The following FYCO1 variants were observed in gnomAD, a reference collection of about 807,000 sequenced individuals.
FYCO1 encodes FYVE and coiled-coil domain-containing protein 1.
Under a neutral mutation model 165.1 loss-of-function variants are expected in FYCO1, and 122 were observed. The ratio of observed to expected loss-of-function variants is 0.74; its 90% CI spans 0.64 to 0.86. The LOEUF is 0.86. Among genes scored for constraint, FYCO1 ranks in the 40% least tolerant of loss-of-function variants. The pLI, the probability that FYCO1 is intolerant of heterozygous loss-of-function variation, is 0.00. For synonymous variants in FYCO1, 648 were observed against 742.5 expected, an observed-to-expected ratio of 0.87 and a Z score of 2.07; for missense variants, 1,702 against 1,810.3, an observed-to-expected ratio of 0.94 and a Z score of 1.09.
At chr3:45,953,340 C>A (rs368266817) in intron 14 of FYCO1, among the ~76,000 whole-genome samples, 1 of 152,290 alleles carries the variant, frequency 6.6e-6, no homozygotes, top group East Asian at 1.9e-4. Context: ...ACGTCTGGGA[C>A]CTGGGACCCA....
At chr3:45,936,669 G>A in intron 14 of FYCO1, 126 bp from the exon 15 acceptor site, 1 of 748,456 alleles carries the variant, frequency 1.3e-6, no homozygotes, top group Non-Finnish European at 2.4e-6. Flanking sequence ...TTTAATCATA[G>A]AGGCCATGAC....
At chr3:45,959,304 A>C (rs924362763) in intron 12 of FYCO1, 89 bp downstream of exon 12, 1 of 1,405,270 alleles carries the variant, frequency 7.1e-7, no homozygotes, top group Non-Finnish European at 1.0e-6. Context: ...TGGTGCCAAC[A>C]CCTATCACAG....
chr3:45,948,686 C>G (rs562741210), intron 14 of FYCO1, among the ~76,000 whole-genome samples: 11 of 152,340 alleles, frequency 7.2e-5, no homozygotes, highest in African/African-American at 2.6e-4. Flanking sequence ...CCCAAAATCA[C>G]TCACCAAAAT....
chr3:45,984,380 T>A (rs1267952688), intron 2 of FYCO1, among the ~76,000 whole-genome samples: 1 of 152,242 alleles, frequency 6.6e-6, no homozygotes, highest in East Asian at 1.9e-4. Context: ...GCAGCAGGAC[T>A]GGACCTACAG....
Position 45,923,694 on chromosome 3 carries a change from G to T in FYCO1, c.4323C>A (p.Pro1441=). The change falls in exon 17 of 18, where the codon CCC becomes CCA. Residue 1441 remains proline, a synonymous_variant. Coordinates refer to ENST00000296137, the MANE Select transcript of FYCO1 (RefSeq NM_024513.4). ...TGTCGAAGATGAGCATGTAGATGCCGGGTGTGCGAACCTTGAGCTGGCCCT... is the reference window on the plus strand; with the variant it reads ...TGTCGAAGATGAGCATGTAGATGCCTGGTGTGCGAACCTTGAGCTGGCCCT... The part of the protein sequence containing the change: ...NIQGQLKVRT[P]GIYMLIFDNT... 1 of 1,614,116 alleles carries T rather than the reference G, an allele frequency of 6.2e-7. No individual in the cohort carries two copies.
At chr3:45,948,957 T>A (rs1461719427) in intron 14 of FYCO1, among the ~76,000 whole-genome samples, 1 of 152,202 alleles carries the variant, frequency 6.6e-6, no homozygotes, top group Non-Finnish European at 1.5e-5. Context: ...ACAGTTTGCA[T>A]TTGGGGAGAA....
In FYCO1 at chr3:45,966,492, C is replaced by T. The variant is rs1559458958; in HGVS notation, c.2842G>A (p.Glu948Lys). 6.2e-7 allele frequency: 1 copy of T among 1,611,648 alleles called. No homozygotes were observed. The highest frequency in any genetic ancestry group is 8.5e-7 in the Non-Finnish European group (1 of 1,177,962). The change falls in exon 8 of 18, where the codon GAG becomes AAG. Residue 948 changes from glutamate (E) to lysine (K), a missense_variant. By Grantham distance (56) the Glu-to-Lys change is moderately conservative (BLOSUM62 1). Coordinates refer to ENST00000296137, the MANE Select transcript of FYCO1 (RefSeq NM_024513.4). ...EAASREREGL[E>K]RQVAGLQQEK... is the part of the protein sequence containing the mutation. ...TGCTGCAGCCCAGCTACTTGGCGCTCCAGGCCCTCTCGCTCCCTTGAGGCT... is the reference window on the plus strand; with the variant it reads ...TGCTGCAGCCCAGCTACTTGGCGCTTCAGGCCCTCTCGCTCCCTTGAGGCT...
intron 14 of FYCO1, among the ~76,000 whole-genome samples, chr3:45,941,687 T>C (rs1704236366): frequency 6.6e-6 from 1 of 152,212 alleles, no homozygotes; most frequent in Non-Finnish European, 1.5e-5. Context: ...TATCCCCATA[T>C]TGACATGTAC....
rs779252189 is a variant in FYCO1, at chr3:45,967,337, T to C, written c.1997A>G (p.Glu666Gly). The C allele has an allele frequency of 1.9e-6, 3 of 1,610,472 alleles. No individual in the cohort carries two copies. Among genetic ancestry groups the C allele is most frequent in the Non-Finnish European group, 2.5e-6 (3 of 1,177,442 alleles). Residue 666 changes from glutamate (E) to glycine (G), a missense_variant, in exon 8 of 18, where the codon GAG becomes GGG. Coordinates refer to ENST00000296137, the MANE Select transcript of FYCO1 (RefSeq NM_024513.4). ...IQGSLASLEA[E>G]QASIRHLGDQ... is the part of the protein sequence containing the mutation. ...ACCCAAGTGCCGGATGCTGGCCTGCTCGGCCTCCAGGGAGGCCAAGGAGCC... is the reference window on the plus strand; with the variant it reads ...ACCCAAGTGCCGGATGCTGGCCTGCCCGGCCTCCAGGGAGGCCAAGGAGCC...
chr3:45,970,357 T>C (rs1374232457), intron 6 of FYCO1, among the ~76,000 whole-genome samples: 1 of 152,212 alleles, frequency 6.6e-6, no homozygotes, highest in African/African-American at 2.4e-5. Flanking sequence ...CTCCTAAATC[T>C]AAAATTATTG....
chr3:45,973,077 C>T lies in FYCO1; in HGVS notation c.539+11G>A, dbSNP rs1706533116. On this transcript the variant is annotated intron_variant, in intron 6 of 17. Coordinates refer to ENST00000296137, the MANE Select transcript of FYCO1 (RefSeq NM_024513.4). ...TTCCTGTCTTTTAAACCAAGCAATCCTTCAAAGTACCTGGCAAATGTTGGC... is the reference window on the plus strand; with the variant it reads ...TTCCTGTCTTTTAAACCAAGCAATCTTTCAAAGTACCTGGCAAATGTTGGC... 1.2e-6 allele frequency: 2 copies of T among 1,614,112 alleles called. No homozygotes were observed. Among genetic ancestry groups the T allele is most frequent in the African/African-American group, 2.7e-5 (2 of 75,030 alleles).
intron 14 of FYCO1, among the ~76,000 whole-genome samples, chr3:45,949,224 T>C (rs958716641): frequency 1.3e-5 from 2 of 152,220 alleles, no homozygotes; most frequent in African/African-American, 4.8e-5. Flanking sequence ...TCAGGCCACA[T>C]GGACCTCCGA....
At chr3:45,953,815 C>G (rs1191311040) in intron 14 of FYCO1, among the ~76,000 whole-genome samples, 1 of 152,136 alleles carries the variant, frequency 6.6e-6, no homozygotes, top group Non-Finnish European at 1.5e-5. Context: ...ATAGGCCTGT[C>G]CATATTTTTC....
At chr3:45,984,658 G>T in intron 2 of FYCO1, 198 bp downstream of exon 2, 1 of 678,008 alleles carries the variant, frequency 1.5e-6, no homozygotes. Context: ...TTCTCTGAAA[G>T]GAAACCAGGC....
rs763441199 is a variant in FYCO1 at position 45,962,424 on chromosome 3, GCCAGGACTTCCA to G, written c.3270-44_3270-33del. 184 of 1,606,226 alleles carry G rather than the reference GCCAGGACTTCCA, an allele frequency of 1.1e-4. 1 individual carries two copies. The African/African-American group carries it at 2.2e-3, about 19-fold the overall frequency. On this transcript the variant is annotated intron_variant, in intron 10 of 17. Coordinates refer to ENST00000296137, the MANE Select transcript of FYCO1 (RefSeq NM_024513.4). This position sits in a 1 kb window ranked among gnomAD's most constrained non-coding sequence, Gnocchi z 4.4. ...GAGGAGTGGTAAGTTTTCTTGATTA[GCCAGGACTTCCA>G]GCTTTCCCAGGGCTCTAAGCTCACC...
chr3:45,947,182 T>C (rs1406291791), intron 14 of FYCO1: 1 of 1,614,210 alleles, frequency 6.2e-7, no homozygotes, highest in Non-Finnish European at 8.5e-7. Flanking sequence ...AAGATCATCT[T>C]CCTGGTGATG....
chr3:45,961,835 A>C (rs573082316), intron 11 of FYCO1, among the ~76,000 whole-genome samples: 1 of 152,354 alleles, frequency 6.6e-6, no homozygotes, highest in African/African-American at 2.4e-5. Context: ...AGGAAAAGTT[A>C]AAATAAGTTT....
At chr3:45,982,967 G>A (rs975258749) in intron 2 of FYCO1, among the ~76,000 whole-genome samples, 4 of 152,152 alleles carry the variant, frequency 2.6e-5, no homozygotes, top group East Asian at 3.9e-4. Context: ...GTAAACACTC[G>A]CAACCTGATC....
intron 15 of FYCO1, among the ~76,000 whole-genome samples, chr3:45,931,750 C>A (rs1039504012): frequency 2.0e-5 from 3 of 152,222 alleles, no homozygotes; most frequent in Admixed American, 6.5e-5. Flanking sequence ...AGCCTCCCAG[C>A]CTTCTGATAT....
Sources: gnomAD v4.1 joint callset for allele counts (sites outside exome capture counted in the v4.1 genomes callset) on GRCh38, gnomAD v4.1.1 for gene constraint, Gnocchi (gnomAD v3.1) non-coding constraint, MANE v1.5 for transcripts, NCBI Gene and HGNC (gene_info 2026-07-23, HGNC 2026-07-21) for gene names.